The following CDS2 variants were observed in gnomAD, a reference collection of about 807,000 sequenced individuals.
The protein encoded by CDS2 is phosphatidate cytidylyltransferase 2.
A neutral mutation model predicts 59.0 loss-of-function variants in CDS2; 47 were observed. That is an observed-to-expected ratio of 0.80 (90% CI 0.63 to 1.02). The LOEUF (loss-of-function observed/expected upper bound fraction) is 1.02, where lower values mean the gene tolerates loss of function less well. CDS2 is among the 50% of genes least tolerant of loss of function. The pLI, the probability that CDS2 is intolerant of heterozygous loss-of-function variation, is 0.00. For synonymous variants in CDS2, 207 were observed against 206.4 expected, an observed-to-expected ratio of 1.00 and a Z score of -0.02; for missense variants, 356 against 558.9, an observed-to-expected ratio of 0.64 and a Z score of 3.66.
chr20:5,166,908 G>A (rs1351988783), intron 1 of CDS2, among the ~76,000 whole-genome samples: 1 of 152,218 alleles, frequency 6.6e-6, no homozygotes, highest in Admixed American at 6.5e-5. Flanking sequence ...TACCCATGAA[G>A]TGGGGAAGAA....
Position 5,182,465 on chromosome 20 carries a change from G to A in CDS2, c.588+20G>A. The A allele has an allele frequency of 1.3e-6, 2 of 1,598,680 alleles. No homozygotes were observed. Among genetic ancestry groups the A allele is most frequent in the Non-Finnish European group, 1.7e-6 (2 of 1,171,248 alleles). On this transcript the variant is annotated intron_variant, in intron 6 of 12. Coordinates refer to ENST00000460006, the MANE Select transcript of CDS2 (RefSeq NM_003818.4). ...TACATGGTAAAGGAAATGCATGCGTGTGTGTCAGAATTCTTGATTTAAATG... is the reference window on the plus strand; with the variant it reads ...TACATGGTAAAGGAAATGCATGCGTATGTGTCAGAATTCTTGATTTAAATG...
In CDS2 at chr20:5,193,185, A is replaced by C. The variant is rs1160553936; in HGVS notation, c.*2951A>C. 1 of 152,190 alleles carries C rather than the reference A, an allele frequency of 6.6e-6. No homozygotes were observed. The highest frequency in any genetic ancestry group is 1.5e-5 in the Non-Finnish European group (1 of 68,016). 9.4% of individuals were successfully genotyped at this position (152,190 alleles called of 1,614,324 possible). ...TTGTGTGTGCGCATGCTGCCCTCTT[A>C]ACTGCTTTTAGTATTCAGAAAGGTT... On this transcript the variant is annotated 3_prime_UTR_variant, in exon 13 of 13. Coordinates refer to ENST00000460006, the MANE Select transcript of CDS2 (RefSeq NM_003818.4).
intron 1 of CDS2, among the ~76,000 whole-genome samples, chr20:5,136,044 G>A (rs1191316112): frequency 1.3e-5 from 2 of 152,154 alleles, no homozygotes; most frequent in Non-Finnish European, 2.9e-5. Flanking sequence ...GGTTTTGAGA[G>A]TTCCTGGGAC....
At chr20:5,131,072 G>A (rs1038970016) in intron 1 of CDS2, among the ~76,000 whole-genome samples, 25 of 146,028 alleles carry the variant, frequency 1.7e-4, no homozygotes, top group African/African-American at 6.1e-4. Flanking sequence ...CAGCCTGGGC[G>A]ACAGAGCAAG....
At chr20:5,179,073 G>A in intron 5 of CDS2, 117 bp downstream of exon 5, 4 of 901,804 alleles carry the variant, frequency 4.4e-6, no homozygotes, top group Non-Finnish European at 7.2e-6. Context: ...CTGTGACCAT[G>A]CAGGGGAGCA....
intron 1 of CDS2, among the ~76,000 whole-genome samples, chr20:5,145,416 T>G (rs897249303): frequency 6.6e-6 from 1 of 152,090 alleles, no homozygotes; most frequent in Admixed American, 6.5e-5. Context: ...GGAATAGAGC[T>G]TGTAATTTGC....
At chr20:5,138,863 TACCTAAAACAA>T (rs2090669974) in intron 1 of CDS2, among the ~76,000 whole-genome samples, 1 of 152,062 alleles carries the variant, frequency 6.6e-6, no homozygotes, top group Non-Finnish European at 1.5e-5. Flanking sequence ...ATGACCGTAC[TACCTAAAACAA>T]TGTGCAGATT....
At chr20:5,136,982 C>T (rs886288528) in intron 1 of CDS2, among the ~76,000 whole-genome samples, 2 of 152,106 alleles carry the variant, frequency 1.3e-5, no homozygotes, top group South Asian at 4.1e-4. Flanking sequence ...TTGTTCCCCT[C>T]TTTGTGTCCA....
intron 1 of CDS2, among the ~76,000 whole-genome samples, chr20:5,173,266 T>C (rs2090969386): frequency 6.6e-6 from 1 of 152,258 alleles, no homozygotes; most frequent in South Asian, 2.1e-4. Flanking sequence ...CTTTTGGATC[T>C]GCCCTCTGCG....
At chr20:5,144,842 CT>C (rs1420424163) in intron 1 of CDS2, among the ~76,000 whole-genome samples, 1 of 152,122 alleles carries the variant, frequency 6.6e-6, no homozygotes, top group African/African-American at 2.4e-5. Context: ...TGATCCGGTC[CT>C]TTCCCCTCTG....
chr20:5,169,677 G>A (rs549308989), intron 1 of CDS2, among the ~76,000 whole-genome samples: 1 of 152,322 alleles, frequency 6.6e-6, no homozygotes, highest in South Asian at 2.1e-4. Flanking sequence ...GCATACATGG[G>A]AAAGAAAAGA....
At chr20:5,170,493 C>T (rs986693651) in intron 1 of CDS2, among the ~76,000 whole-genome samples, 4 of 152,260 alleles carry the variant, frequency 2.6e-5, no homozygotes, top group African/African-American at 7.2e-5. Flanking sequence ...TTCCCTTTGG[C>T]GTCCACAGGA....
intron 1 of CDS2, among the ~76,000 whole-genome samples, chr20:5,149,227 G>T (rs191081398): frequency 2.0e-5 from 3 of 152,200 alleles, no homozygotes; most frequent in African/African-American, 7.2e-5. Context: ...GTTTCTCGTG[G>T]CCGTTTTATT....
At chr20:5,168,520 C>T (rs1030952387) in intron 1 of CDS2, 1 of 483,878 alleles carries the variant, frequency 2.1e-6, no homozygotes, top group Non-Finnish European at 4.1e-6. Flanking sequence ...GGGATTCTCT[C>T]TAGCCATGGG....
intron 1 of CDS2, 29 bp downstream of exon 1, chr20:5,127,178 C>T (rs773960526): frequency 3.9e-5 from 57 of 1,470,292 alleles, no homozygotes; most frequent in South Asian, 5.2e-5. Flanking sequence ...TGGGCGCGGC[C>T]GGGACAGCGG....
At chr20:5,141,513 C>T (rs976544005) in intron 1 of CDS2, among the ~76,000 whole-genome samples, 1 of 152,188 alleles carries the variant, frequency 6.6e-6, no homozygotes. Flanking sequence ...CTCCGAAGCT[C>T]TTGCAATGGG....
chr20:5,162,435 A>G (rs2090882202), intron 1 of CDS2, among the ~76,000 whole-genome samples: 1 of 152,198 alleles, frequency 6.6e-6, no homozygotes, highest in Non-Finnish European at 1.5e-5. Context: ...TGGCTTATGC[A>G]GGGTATATAG....
chr20:5,160,712 C>T (rs1357537784), intron 1 of CDS2, among the ~76,000 whole-genome samples: 1 of 152,126 alleles, frequency 6.6e-6, no homozygotes, highest in African/African-American at 2.4e-5. Flanking sequence ...ACAACTCTCC[C>T]CTCTCACTCC....
In CDS2 at chr20:5,178,856, G is replaced by A; in HGVS notation, c.429G>A (p.Glu143=). Residue 143 remains glutamate (E), a synonymous_variant, in exon 5 of 13, where the codon GAG becomes GAA. Coordinates refer to ENST00000460006, the MANE Select transcript of CDS2 (RefSeq NM_003818.4). ...LLCVNYFFYG[E]TVTDYFFTLV... ...GTGTAAACTATTTCTTCTATGGTGAGACAGTGACGGATTACTTCTTCACCC... is the reference window on the plus strand; with the variant it reads ...GTGTAAACTATTTCTTCTATGGTGAAACAGTGACGGATTACTTCTTCACCC... 6.2e-7 allele frequency: 1 copy of A among 1,614,136 alleles called. No homozygotes were observed. Among genetic ancestry groups the A allele is most frequent in the Admixed American group, 1.7e-5 (1 of 60,032 alleles).
Sources: allele counts gnomAD v4.1 joint callset (sites outside exome capture counted in the v4.1 genomes callset), GRCh38; gene constraint gnomAD v4.1.1; transcripts MANE v1.5; gene names NCBI Gene and HGNC (gene_info 2026-07-23, HGNC 2026-07-21).